TUBA3E: variants seen among roughly 807,000 people sequenced by gnomAD.
The protein encoded by TUBA3E is tubulin alpha-3E chain.
A neutral mutation model predicts 36.7 loss-of-function variants in TUBA3E; 21 were observed. The ratio of observed to expected loss-of-function variants is 0.57; its 90% CI spans 0.41 to 0.83. TUBA3E has a LOEUF of 0.83. TUBA3E is among the 40% of genes least tolerant of loss of function. The pLI, the probability that TUBA3E is intolerant of heterozygous loss-of-function variation, is 0.00. For missense variants in TUBA3E, 469 were observed against 604.2 expected, an observed-to-expected ratio of 0.78 and a Z score of 2.35; for synonymous variants, 177 against 241.9, an observed-to-expected ratio of 0.73 and a Z score of 2.49.
chr2:130,191,774 A>C lies in TUBA3E; in HGVS notation c.*57T>G. ...TTTTATACAGAATCTTTAATTGCAA[A>C]CAACTTGAAAGCAGCCATCCTAGGG... is the stretch of plus-strand genomic sequence containing the variant. On this transcript the variant is annotated 3_prime_UTR_variant, in exon 5 of 5. Coordinates refer to ENST00000312988, the MANE Select transcript of TUBA3E (RefSeq NM_207312.3). The C allele has an allele frequency of 6.4e-7, 1 of 1,567,390 alleles. No individual in the cohort carries two copies. The highest frequency in any genetic ancestry group is 8.6e-7 in the Non-Finnish European group (1 of 1,156,966).
At position 130,195,161 on chromosome 2, in the gene TUBA3E, T is replaced by C. The variant is rs774198989; in HGVS notation, c.293A>G (p.Asp98Gly). The C allele has an allele frequency of 6.2e-7, 1 of 1,613,918 alleles. No individual in the cohort carries two copies. Among genetic ancestry groups the C allele is most frequent in the Non-Finnish European group, 8.5e-7 (1 of 1,179,950 alleles). The part of the protein sequence containing the change: ...HPEQLITGKE[D>G]AASNYARGHY... ...GCCCCTGGCGTAATTACTGGCTGCA[T>C]CTTCCTTCCCGGTGATCAGCTGCTC... Residue 98 changes from aspartate to glycine, a missense_variant, in exon 3 of 5, where the codon GAT becomes GGT. This residue lies in a region of TUBA3E where 169 missense variants were observed against 239.0 expected (regional missense o/e 0.71). Coordinates refer to ENST00000312988, the MANE Select transcript of TUBA3E (RefSeq NM_207312.3).
In TUBA3E at chr2:130,191,864, C is replaced by T. The variant is rs1690266930; in HGVS notation, c.1320G>A (p.Val440=). 1 of 1,612,450 alleles carries T rather than the reference C, an allele frequency of 6.2e-7. No individual in the cohort carries two copies. ...CTTCGCCTTCTTCAGCCTCAGCTTC[C>T]ACGGAATCCACGCCCACCTCTTCAC... The part of the protein sequence containing the change: ...KDCEEVGVDS[V]EAEAEEGEAY The change falls in exon 5 of 5, where the codon GTG becomes GTA. Residue 440 remains valine (V), a synonymous_variant. Transcript: ENST00000312988.
chr2:130,195,281 T>G (rs1297687775), intron 2 of TUBA3E, 54 bp from the exon 3 acceptor site: 1 of 1,594,070 alleles, frequency 6.3e-7, no homozygotes, highest in Non-Finnish European at 8.6e-7. Flanking sequence ...CTCACCAAGA[T>G]GGACACATTC....
chr2:130,194,234 A>C lies in TUBA3E; in HGVS notation c.608T>G (p.Met203Arg). The change falls in exon 4 of 5, where the codon ATG (methionine) becomes AGG (arginine). Residue 203 changes from methionine (M) to arginine (R), a missense_variant. By Grantham distance (91) the Met-to-Arg change is moderately conservative. Transcript: ENST00000312988. The part of the protein sequence containing the change: ...TTLEHSDCAF[M>R]VDNEAIYDIC... ...GTCATAGATGGCTTCATTGTCGACC[A>C]TGAAGGCACAGTCAGAATGTTCCAG... 1 of 1,612,456 alleles carries C rather than the reference A, an allele frequency of 6.2e-7. No individual in the cohort carries two copies. Among genetic ancestry groups the C allele is most frequent in the Non-Finnish European group, 8.5e-7 (1 of 1,179,664 alleles).
Position 130,193,913 on chromosome 2 carries a change from C to G in TUBA3E, c.929G>C (p.Gly310Ala), listed in dbSNP as rs777521650. 6.2e-7 allele frequency: 1 copy of G among 1,614,246 alleles called. No individual in the cohort carries two copies. Among genetic ancestry groups the G allele is most frequent in the Non-Finnish European group, 8.5e-7 (1 of 1,180,044 alleles). ...CAACATGCAGCAGGCCATGTACTTG[C>G]CATGGCGAGGGTCACACTTGACCAT... Reference protein sequence around the residue: ...NQMVKCDPRHGKYMACCMLYR... With the variant: ...NQMVKCDPRHAKYMACCMLYR... The change falls in exon 4 of 5, where the codon GGC becomes GCC. Residue 310 changes from glycine (G) to alanine (A), a missense_variant. Physicochemically the swap from Gly to Ala is moderately conservative, Grantham distance 60 (BLOSUM62 0). Coordinates refer to ENST00000312988, the MANE Select transcript of TUBA3E (RefSeq NM_207312.3).
Position 130,192,275 on chromosome 2 carries a change from C to T in TUBA3E, c.1057-148G>A. On this transcript the variant is annotated intron_variant, in intron 4 of 4. Coordinates refer to ENST00000312988, the MANE Select transcript of TUBA3E (RefSeq NM_207312.3). ...AACGTCACTAAGCCCTTCTCTGCAC[C>T]AGGCAGGGTGATAGTTCCAGACGAG... 2 of 1,297,782 alleles carry T rather than the reference C, an allele frequency of 1.5e-6. 1 individual carries two copies. The highest frequency in any genetic ancestry group is 2.1e-6 in the Non-Finnish European group (2 of 961,496). 80.4% of individuals were successfully genotyped at this position (1,297,782 alleles called of 1,614,324 possible).
In TUBA3E at chr2:130,196,152, C is replaced by A. The variant is rs1690397060; in HGVS notation, c.223G>T (p.Val75Phe). The change falls in exon 2 of 5, where the codon GTC (valine) becomes TTC (phenylalanine). Residue 75 changes from valine (V) to phenylalanine (F), a missense_variant. This residue lies in a region of TUBA3E where 169 missense variants were observed against 239.0 expected (regional missense o/e 0.71). Transcript: ENST00000312988. ...AVFVDLEPTV[V>F]DEVRTGTYRQ... Reference sequence around the variant, plus strand: ...CATCCAGTGCCCAGGCACCTACCGACCACAGTGGGCTCCAGGTCCACAAAC... The same window carrying A: ...CATCCAGTGCCCAGGCACCTACCGAACACAGTGGGCTCCAGGTCCACAAAC... 6.2e-7 allele frequency: 1 copy of A among 1,612,534 alleles called. No individual in the cohort carries two copies. The highest frequency in any genetic ancestry group is 1.3e-5 in the African/African-American group (1 of 74,912).
intron 4 of TUBA3E, among the ~76,000 whole-genome samples, chr2:130,192,644 AGTGGTCCAT>A (rs1488217463): frequency 2.6e-5 from 4 of 152,234 alleles, no homozygotes; most frequent in African/African-American, 4.8e-5. Context: ...AAGTGGTCGA[AGTGGTCCAT>A]GTGCCTGCCT....
intron 3 of TUBA3E, among the ~76,000 whole-genome samples, chr2:130,194,865 A>AT (rs1236537922): frequency 1.3e-5 from 2 of 152,144 alleles, no homozygotes; most frequent in Non-Finnish European, 2.9e-5. Flanking sequence ...TTTAGTAGAC[A>AT]TAGAGTTTCA....
At position 130,191,878 on chromosome 2, in the gene TUBA3E, C is replaced by G; in HGVS notation, c.1306G>C (p.Gly436Arg). 1 of 1,614,086 alleles carries G rather than the reference C, an allele frequency of 6.2e-7. No homozygotes were observed. The highest frequency in any genetic ancestry group is 8.5e-7 in the Non-Finnish European group (1 of 1,179,978). Residue 436 changes from glycine to arginine, a missense_variant, in exon 5 of 5, where the codon GGC becomes CGC. By Grantham distance (125) the Gly-to-Arg change is moderately radical. Around this residue, in one of 3 missense-constraint regions of TUBA3E, gnomAD observed 296 missense variants for 346.9 expected, o/e 0.85. Coordinates refer to ENST00000312988, the MANE Select transcript of TUBA3E (RefSeq NM_207312.3). ...GCCTCAGCTTCCACGGAATCCACGCCCACCTCTTCACAATCCTTCTCTAGA... is the reference window on the plus strand; with the variant it reads ...GCCTCAGCTTCCACGGAATCCACGCGCACCTCTTCACAATCCTTCTCTAGA... ...AALEKDCEEVGVDSVEAEAEE... is the reference protein window; with the variant it reads ...AALEKDCEEVRVDSVEAEAEE...
chr2:130,197,547 A>G (rs1442526225), intron 1 of TUBA3E, among the ~76,000 whole-genome samples: 1 of 125,768 alleles, frequency 8.0e-6, no homozygotes, highest in Non-Finnish European at 1.8e-5. Flanking sequence ...GAAAAAAAGG[A>G]TAACTGACAA....
At chr2:130,192,195 C>T (rs985643858) in intron 4 of TUBA3E, 68 bp from the exon 5 acceptor site, 28 of 1,542,090 alleles carry the variant, frequency 1.8e-5, no homozygotes, top group Non-Finnish European at 2.3e-5. Context: ...AGCTACTTCT[C>T]CTCAAACAGA....
intron 4 of TUBA3E, among the ~76,000 whole-genome samples, chr2:130,193,410 A>C (rs1267799356): frequency 6.6e-6 from 1 of 151,654 alleles, no homozygotes; most frequent in Non-Finnish European, 1.5e-5. Context: ...GGAGTTCAAG[A>C]CCAACCTGTC....
At chr2:130,194,934 T>C in intron 3 of TUBA3E, 145 bp downstream of exon 3, 2 of 1,465,174 alleles carry the variant, frequency 1.4e-6, no homozygotes, top group Non-Finnish European at 1.9e-6. Context: ...TGCTTTAGCC[T>C]CTCAAAGTGC....
chr2:130,193,194 G>C (rs543952889), intron 4 of TUBA3E, among the ~76,000 whole-genome samples: 1 of 152,014 alleles, frequency 6.6e-6, no homozygotes. Context: ...GGCAGAGGTT[G>C]CAGTGAGCCA....
Position 130,195,183 on chromosome 2 carries a change from G to A in TUBA3E, c.271C>T (p.Gln91Ter). The change falls in exon 3 of 5, where the codon CAG becomes TAG. Residue 91 changes from glutamine (Q) to a stop codon, truncating the protein, a stop_gained. Coordinates refer to ENST00000312988, the MANE Select transcript of TUBA3E (RefSeq NM_207312.3). LOFTEE classifies it high-confidence loss of function. ...GTYRQLFHPE[Q>*]LITGKEDAAS... ...GCATCTTCCTTCCCGGTGATCAGCTGCTCTGGGTGGAAGAGCTGCCTGTAG... is the reference window on the plus strand; with the variant it reads ...GCATCTTCCTTCCCGGTGATCAGCTACTCTGGGTGGAAGAGCTGCCTGTAG... The A allele has an allele frequency of 1.2e-6, 2 of 1,614,046 alleles. No individual in the cohort carries two copies.
rs900833383 is a variant in TUBA3E, at chr2:130,198,073, T to G, written c.3+285A>C. On this transcript the variant is annotated intron_variant, in intron 1 of 4. Coordinates refer to ENST00000312988, the MANE Select transcript of TUBA3E (RefSeq NM_207312.3). ...GTGTGAAGCGGGAGCAGCGCCCTCC[T>G]GTCTTCAGGAGGCGACGCCACTATT... Among the ~76,000 whole-genome samples, 4 of 123,004 alleles carry G rather than the reference T, an allele frequency of 3.3e-5. 1 individual carries two copies. The highest frequency in any genetic ancestry group is 7.2e-5 in the Non-Finnish European group (4 of 55,834). The allele number at this position is 123,004 out of a possible 152,430, so 80.7% of individuals were successfully genotyped here.
In TUBA3E at chr2:130,193,881, C is replaced by T. The variant is rs1372806343; in HGVS notation, c.961G>A (p.Gly321Arg). Reference protein sequence around the residue: ...KYMACCMLYRGDVVPKDVNAA... With the variant: ...KYMACCMLYRRDVVPKDVNAA... ...TTGACGTCTTTGGGGACCACGTCCC[C>T]CCTGTACAACATGCAGCAGGCCATG... Residue 321 changes from glycine (G) to arginine (R), a missense_variant, in exon 4 of 5, where the codon GGG (glycine) becomes AGG (arginine). Physicochemically the swap from Gly to Arg is moderately radical, Grantham distance 125. Coordinates refer to ENST00000312988, the MANE Select transcript of TUBA3E (RefSeq NM_207312.3). The T allele has an allele frequency of 6.2e-7, 1 of 1,614,090 alleles. No homozygotes were observed. The highest frequency in any genetic ancestry group is 8.5e-7 in the Non-Finnish European group (1 of 1,180,052).
chr2:130,196,950 T>C (rs187237836), intron 1 of TUBA3E, among the ~76,000 whole-genome samples: 19 of 151,982 alleles, frequency 1.3e-4, no homozygotes, highest in African/African-American at 4.6e-4. Context: ...CAGGCAGCAG[T>C]GGGATACTGG....
Sources: gnomAD v4.1 joint callset for allele counts (sites outside exome capture counted in the v4.1 genomes callset) on GRCh38, gnomAD v4.1.1 for gene constraint, gnomAD v4.1.1 regional missense constraint, MANE v1.5 for transcripts, NCBI Gene and HGNC (gene_info 2026-07-23, HGNC 2026-07-21) for gene names.